The following C6orf89 variants were observed in gnomAD, a reference collection of about 807,000 sequenced individuals.
The protein encoded by C6orf89 is chromosome 6 open reading frame 89.
C6orf89 carries 29 observed loss-of-function variants against 40.7 expected under a neutral mutation model. That is an observed-to-expected ratio of 0.71 (90% confidence interval 0.53 to 0.97). The LOEUF (loss-of-function observed/expected upper bound fraction) is 0.97, where lower values mean the gene tolerates loss of function less well. Among genes scored for constraint, C6orf89 ranks in the 50% least tolerant of loss-of-function variants. The pLI, the probability that C6orf89 is intolerant of heterozygous loss-of-function variation, is 0.00. For missense variants in C6orf89, 392 were observed against 429.1 expected, an observed-to-expected ratio of 0.91 and a Z score of 0.76; for synonymous variants, 165 against 152.2, an observed-to-expected ratio of 1.08 and a Z score of -0.62.
At chr6:36,882,983 C>T (rs985329865), upstream of C6orf89, among the ~76,000 whole-genome samples, 4 of 152,096 alleles carry the variant, frequency 2.6e-5, no homozygotes, top group Non-Finnish European at 4.4e-5. Flanking sequence ...TCATGATCCA[C>T]CCGCCTCGGC....
At chr6:36,901,033 A>G (rs746341149) in intron 3 of C6orf89, among the ~76,000 whole-genome samples, 5 of 150,196 alleles carry the variant, frequency 3.3e-5, no homozygotes, top group Admixed American at 6.7e-5. Context: ...TTTAGTAGAG[A>G]TGGGAGTTTC....
chr6:36,897,368 A>G (rs922463823), intron 2 of C6orf89, among the ~76,000 whole-genome samples: 5 of 152,144 alleles, frequency 3.3e-5, no homozygotes, highest in Admixed American at 2.0e-4. Flanking sequence ...ATCCCTCTGT[A>G]TATGTATATG....
chr6:36,912,421 G>A (rs1237863486), intron 4 of C6orf89, among the ~76,000 whole-genome samples: 1 of 152,188 alleles, frequency 6.6e-6, no homozygotes, highest in Non-Finnish European at 1.5e-5. Context: ...AAACCGAAAT[G>A]CTATATAATT....
intron 4 of C6orf89, among the ~76,000 whole-genome samples, chr6:36,913,678 T>C (rs1276234064): frequency 6.6e-6 from 1 of 152,254 alleles, no homozygotes; most frequent in Non-Finnish European, 1.5e-5. Flanking sequence ...CTAGCTGTTA[T>C]GCTTTATTTG....
rs750965268 is a variant in C6orf89 at position 36,885,995 on chromosome 6, G to A, written c.-153G>A. 333 of 1,142,846 alleles carry A rather than the reference G, an allele frequency of 2.9e-4. No homozygotes were observed. The highest frequency in any genetic ancestry group is 3.2e-4 in the Non-Finnish European group (307 of 951,276). The allele number at this position is 1,142,846 out of a possible 1,614,324, so 70.8% of individuals were successfully genotyped here. ...CTCGCCCGGCGGCAGCTGTCCCCGA[G>A]GCGGGAGGAGCCCGAGGGGCGCGAG... On this transcript the variant is annotated 5_prime_UTR_variant, in exon 1 of 9. Transcript: ENST00000480824.
intron 4 of C6orf89, among the ~76,000 whole-genome samples, chr6:36,904,496 C>A (rs1761852608): frequency 1.3e-5 from 2 of 152,188 alleles, no homozygotes; most frequent in South Asian, 4.1e-4. Flanking sequence ...TATGATAATT[C>A]TGGGAAGCTG....
chr6:36,886,877 A>C lies in C6orf89; in HGVS notation c.-120+849A>C, dbSNP rs1032241740. ...ACATGCCTTTAAAATAATAACTAAT[A>C]AATTCAATTCTGCTACATTGAAGTT... On this transcript the variant is annotated intron_variant, in intron 1 of 8. Coordinates refer to ENST00000480824, the MANE Select transcript of C6orf89 (RefSeq NM_001286635.2). 6.6e-5 allele frequency among the ~76,000 whole-genome samples: 10 copies of C among 152,346 alleles called. No individual in the cohort carries two copies. In the South Asian group the frequency reaches 1.9e-3, roughly 28 times the overall value.
chr6:36,899,035 A>G (rs1761560198), intron 2 of C6orf89, among the ~76,000 whole-genome samples: 1 of 152,170 alleles, frequency 6.6e-6, no homozygotes, highest in African/African-American at 2.4e-5. Context: ...AACACTGTGC[A>G]TAATCCATTT....
chr6:36,877,143 C>T (rs570905526), intron 1 of C6orf89, among the ~76,000 whole-genome samples: 100 of 152,232 alleles, frequency 6.6e-4, no homozygotes, highest in Non-Finnish European at 1.3e-3. Flanking sequence ...TTTTTCCTTG[C>T]TGTGTAGTAT....
At chr6:36,921,133 G>A (rs1762495836) in intron 8 of C6orf89, among the ~76,000 whole-genome samples, 1 of 150,842 alleles carries the variant, frequency 6.6e-6, no homozygotes, top group African/African-American at 2.4e-5. Context: ...AGTTGGCAGT[G>A]TCTATAAAAG....
intron 2 of C6orf89, among the ~76,000 whole-genome samples, chr6:36,898,278 C>CTT (rs1210544625): frequency 4.7e-5 from 6 of 127,452 alleles, no homozygotes; most frequent in South Asian, 2.5e-4. Flanking sequence ...CTTTTCTTTT[C>CTT]TTTTCTTTTT....
chr6:36,909,955 CTCACAACAG>C (rs1024575430), intron 4 of C6orf89, among the ~76,000 whole-genome samples: 67 of 152,194 alleles, frequency 4.4e-4, no homozygotes, highest in African/African-American at 1.4e-3. Flanking sequence ...TTTCTCAGTC[CTCACAACAG>C]TCACTTAGGG....
chr6:36,899,213 C>T (rs1262472770), intron 2 of C6orf89, among the ~76,000 whole-genome samples: 3 of 152,048 alleles, frequency 2.0e-5, no homozygotes, highest in Non-Finnish European at 2.9e-5. Flanking sequence ...GTAAACTGTT[C>T]CTGGCCCACA....
intron 8 of C6orf89, among the ~76,000 whole-genome samples, chr6:36,921,844 A>G (rs1762520826): frequency 6.6e-6 from 1 of 152,044 alleles, no homozygotes; most frequent in South Asian, 2.1e-4. Flanking sequence ...TCTGGGCAAG[A>G]TGGTAGGACC....
chr6:36,885,830 G>A (rs1042464666), upstream of C6orf89: 17 of 417,252 alleles, frequency 4.1e-5, no homozygotes, highest in Admixed American at 4.0e-4. Context: ...GAGGTCCCGC[G>A]CTCGCCACGA....
chr6:36,897,453 A>G (rs1761480056), intron 2 of C6orf89, among the ~76,000 whole-genome samples: 1 of 152,220 alleles, frequency 6.6e-6, no homozygotes, highest in South Asian at 2.1e-4. Flanking sequence ...AAGTGTATCC[A>G]CATAGTTCAA....
At chr6:36,923,208 A>G (rs984239294) in intron 8 of C6orf89, 139 bp from the exon 9 acceptor site, 4 of 613,712 alleles carry the variant, frequency 6.5e-6, no homozygotes, top group African/African-American at 5.6e-5. Flanking sequence ...AAAGGAAACT[A>G]AATTAAATAG....
chr6:36,913,250 G>A (rs1243669524), intron 4 of C6orf89, among the ~76,000 whole-genome samples: 1 of 152,202 alleles, frequency 6.6e-6, no homozygotes, highest in Admixed American at 6.5e-5. Context: ...CTGTCACACA[G>A]CAGGGTCTGG....
At chr6:36,916,419 T>C (rs1267542606) in intron 6 of C6orf89, 26 bp from the exon 7 acceptor site, 1 of 1,611,804 alleles carries the variant, frequency 6.2e-7, no homozygotes, top group Admixed American at 1.7e-5. Context: ...GTTTAATTAC[T>C]TTTTTTCTGT....
Sources: gnomAD v4.1 joint callset for allele counts (sites outside exome capture counted in the v4.1 genomes callset) on GRCh38, gnomAD v4.1.1 for gene constraint, MANE v1.5 for transcripts, NCBI Gene and HGNC (gene_info 2026-07-23, HGNC 2026-07-21) for gene names.